PACS1: variants seen among roughly 807,000 people sequenced by gnomAD.
PACS1 encodes the protein phosphofurin acidic cluster sorting protein 1, also known as PACS-1.
In PACS1, 24 loss-of-function variants were observed where a neutral mutation model predicts 115.0. The ratio of observed to expected loss-of-function variants is 0.21; its 90% CI spans 0.15 to 0.29. The LOEUF (loss-of-function observed/expected upper bound fraction) is 0.29, where lower values mean the gene tolerates loss of function less well. Ranked by LOEUF, PACS1 falls within the 10% of genes least tolerant of loss-of-function variation. The pLI, the probability that PACS1 is intolerant of heterozygous loss-of-function variation, is 1.00. For synonymous variants in PACS1, 453 were observed against 504.5 expected (o/e 0.90, Z 1.37); for missense variants, 838 against 1,251.2 (o/e 0.67, Z 4.98).
chr11:66,238,486 TTTAC>T (rs1855746838), intron 19 of PACS1: 1 of 292,894 alleles, frequency 3.4e-6, no homozygotes, highest in African/African-American at 2.3e-5. Flanking sequence ...GATTTTTTTA[TTTAC>T]TTATTTATTT....
At chr11:66,230,998 T>A in intron 13 of PACS1, 58 bp downstream of exon 13, 1 of 1,600,674 alleles carries the variant, frequency 6.2e-7, no homozygotes, top group Non-Finnish European at 8.5e-7. Context: ...AACTTCAGGC[T>A]CTGTTTTGTT....
At chr11:66,136,882 A>G (rs1161304297) in intron 1 of PACS1, among the ~76,000 whole-genome samples, 3 of 152,118 alleles carry the variant, frequency 2.0e-5, no homozygotes, top group South Asian at 2.1e-4. Flanking sequence ...GTCTTCAGCT[A>G]TTGGAGGACA....
At chr11:66,123,277 C>T (rs141532844) in intron 1 of PACS1, among the ~76,000 whole-genome samples, 3,690 of 151,608 alleles carry the variant, frequency 0.024, 168 homozygotes, top group African/African-American at 0.085. Flanking sequence ...CTGCAACCTC[C>T]GCCTTCTGGG....
At chr11:66,102,136 A>G (rs994799265) in intron 1 of PACS1, among the ~76,000 whole-genome samples, 2 of 151,976 alleles carry the variant, frequency 1.3e-5, no homozygotes, top group African/African-American at 4.8e-5. Context: ...AGTCAAACCA[A>G]CCTAGGCCAC....
intron 10 of PACS1, among the ~76,000 whole-genome samples, chr11:66,227,274 G>A (rs1855485813): frequency 6.6e-6 from 1 of 152,124 alleles, no homozygotes; most frequent in Non-Finnish European, 1.5e-5. Context: ...GAATTTCTGG[G>A]TTCTGAATCT....
intron 8 of PACS1, 188 bp from the exon 9 acceptor site, chr11:66,220,443 T>G (rs761123773): frequency 1.7e-6 from 1 of 588,678 alleles, no homozygotes; most frequent in Non-Finnish European, 3.0e-6. Flanking sequence ...GGGGGGAAGG[T>G]GGCCTCACCA....
chr11:66,113,436 A>C (rs1423102988), intron 1 of PACS1, among the ~76,000 whole-genome samples: 2 of 152,178 alleles, frequency 1.3e-5, no homozygotes, highest in African/African-American at 4.8e-5. Flanking sequence ...GGTTATCTTC[A>C]GATATGCTAT....
At chr11:66,210,529 G>A (rs1023322366) in intron 3 of PACS1, 78 bp downstream of exon 3, 5 of 1,054,844 alleles carry the variant, frequency 4.7e-6, no homozygotes, top group African/African-American at 1.6e-5. Context: ...CCCAGAGACT[G>A]TTTTATCCCA....
chr11:66,081,127 G>A (rs1408607544), intron 1 of PACS1, among the ~76,000 whole-genome samples: 1 of 152,068 alleles, frequency 6.6e-6, no homozygotes, highest in Non-Finnish European at 1.5e-5. Flanking sequence ...CAGCTACTTG[G>A]GAGGCTGAGG....
intron 1 of PACS1, among the ~76,000 whole-genome samples, chr11:66,103,772 C>G (rs1857973371): frequency 1.3e-5 from 2 of 151,888 alleles, no homozygotes; most frequent in African/African-American, 4.8e-5. Flanking sequence ...CTTCAGCCTC[C>G]CAAAGTGCTG....
At chr11:66,168,251 G>GAATTTTGAT (rs1859652352) in intron 1 of PACS1, among the ~76,000 whole-genome samples, 1 of 150,438 alleles carries the variant, frequency 6.6e-6, no homozygotes, top group African/African-American at 2.5e-5. Context: ...AATCCTGTTG[G>GAATTTTGAT]AATTTTGATC....
In PACS1 at chr11:66,070,465, G is replaced by A. The variant is rs1474748430; in HGVS notation, c.-22G>A. 8.0e-7 allele frequency: 1 copy of A among 1,245,024 alleles called. No homozygotes were observed. Among genetic ancestry groups the A allele is most frequent in the Non-Finnish European group, 1.0e-6 (1 of 994,968 alleles). 77.1% of individuals were successfully genotyped at this position (1,245,024 alleles called of 1,614,324 possible). A position where few individuals can be genotyped will look rare whatever the true frequency, so the allele number is the denominator to read the frequency against. On this transcript the variant is annotated 5_prime_UTR_variant, in exon 1 of 24. Coordinates refer to ENST00000320580, the MANE Select transcript of PACS1 (RefSeq NM_018026.4). This position sits in a 1 kb window ranked among gnomAD's most constrained non-coding sequence, Gnocchi z 5.9. ...CCAGATCGGCGTCGCCTCGGCCTCC[G>A]TAACCCCCGCCTAGCCGGGCCATGG...
At chr11:66,230,454 T>C in intron 11 of PACS1, 94 bp from the exon 12 acceptor site, 1 of 815,930 alleles carries the variant, frequency 1.2e-6, no homozygotes, top group Non-Finnish European at 2.1e-6. Flanking sequence ...AACTCTCTCT[T>C]CAGGATGGTG....
chr11:66,235,139 T>G lies in PACS1; in HGVS notation c.2105-162T>G, dbSNP rs969755970. On this transcript the variant is annotated intron_variant, in intron 17 of 23. Coordinates refer to ENST00000320580, the MANE Select transcript of PACS1 (RefSeq NM_018026.4). The surrounding 1 kb of genome is among the most constrained non-coding windows in gnomAD (Gnocchi z 5.6). Reference sequence around the variant, plus strand: ...AAGATTGGAAGGGAGAGGACCATCCTTGGGCTCATGATTCCTTCAAACCAG... The same window carrying G: ...AAGATTGGAAGGGAGAGGACCATCCGTGGGCTCATGATTCCTTCAAACCAG... Among the ~76,000 whole-genome samples the G allele has an allele frequency of 1.3e-5, 2 of 152,168 alleles. No homozygotes were observed. The highest frequency in any genetic ancestry group is 1.3e-4 in the Admixed American group (2 of 15,276).
At chr11:66,217,867 C>T (rs1375394798) in intron 7 of PACS1, 2 of 275,508 alleles carry the variant, frequency 7.3e-6, no homozygotes, top group African/African-American at 4.6e-5. Flanking sequence ...CAGAAAGCGG[C>T]CCTATTTTCT....
intron 14 of PACS1, 44 bp from the exon 15 acceptor site, chr11:66,232,916 T>G (rs1455553114): frequency 7.1e-7 from 1 of 1,401,240 alleles, no homozygotes; most frequent in East Asian, 2.3e-5. Context: ...GAAGGAGTGA[T>G]GTGTTCTCAC....
intron 9 of PACS1, 68 bp from the exon 10 acceptor site, chr11:66,221,086 A>G: frequency 1.4e-6 from 2 of 1,456,522 alleles, no homozygotes; most frequent in Non-Finnish European, 1.9e-6. Context: ...TGCCAGCTCC[A>G]TTCAACTCTC....
Position 66,239,296 on chromosome 11 carries a change from C to G in PACS1, c.2429+19C>G. ...TCGTGGGGTAAGGCTCCTGCCCGTA[C>G]CTGTCCTGCCATGCCCTCCATCAGG... On this transcript the variant is annotated intron_variant, in intron 21 of 23. Coordinates refer to ENST00000320580, the MANE Select transcript of PACS1 (RefSeq NM_018026.4). 6.2e-7 allele frequency: 1 copy of G among 1,602,070 alleles called. No individual in the cohort carries two copies. Among genetic ancestry groups the G allele is most frequent in the Non-Finnish European group, 8.5e-7 (1 of 1,174,542 alleles).
At chr11:66,159,608 G>A (rs1194593843) in intron 1 of PACS1, among the ~76,000 whole-genome samples, 1 of 152,270 alleles carries the variant, frequency 6.6e-6, no homozygotes, top group East Asian at 1.9e-4. Context: ...TCAGTTTTGG[G>A]GGTGGGGGAG....
Sources: gnomAD v4.1 joint callset for allele counts (sites outside exome capture counted in the v4.1 genomes callset) on GRCh38, gnomAD v4.1.1 for gene constraint, Gnocchi (gnomAD v3.1) non-coding constraint, MANE v1.5 for transcripts, NCBI Gene and HGNC (gene_info 2026-07-23, HGNC 2026-07-21) for gene names.